USH2A: variants seen among roughly 807,000 people sequenced by gnomAD.
USH2A encodes the protein Usher syndrome 2A (autosomal recessive, mild).
USH2A carries 443 observed loss-of-function variants against 538.9 expected under a neutral mutation model. The ratio of observed to expected loss-of-function variants is 0.82; its 90% CI spans 0.76 to 0.89. USH2A has a LOEUF of 0.89. USH2A is among the 40% of genes least tolerant of loss of function. The probability of loss-of-function intolerance (pLI) is 0.00; values close to 1 mark genes in which losing one functional copy is unlikely to be tolerated. For missense variants in USH2A, 6,633 were observed against 6,324.8 expected (o/e 1.05, Z -1.65); for synonymous variants, 2,413 against 2,273.5 (o/e 1.06, Z -1.75).
chr1:216,394,761 C>G (rs1198584075), intron 3 of USH2A, among the ~76,000 whole-genome samples: 1 of 141,476 alleles, frequency 7.1e-6, no homozygotes, highest in Non-Finnish European at 1.5e-5. Context: ...CTCTGTCGCC[C>G]AGGCTGGAGT....
chr1:216,069,994 T>C, intron 30 of USH2A, 107 bp downstream of exon 30: 2 of 1,307,118 alleles, frequency 1.5e-6, no homozygotes, highest in African/African-American at 1.5e-5. Context: ...GTAAAATACA[T>C]GTATATTTAA....
chr1:216,083,219 A>G (rs759606145), intron 26 of USH2A, among the ~76,000 whole-genome samples: 4 of 152,058 alleles, frequency 2.6e-5, no homozygotes, highest in Admixed American at 1.3e-4. Context: ...AATTCCTTAT[A>G]TCTAGTCTGT....
At chr1:215,689,507 C>T (rs1210295119) in intron 61 of USH2A, among the ~76,000 whole-genome samples, 2 of 152,244 alleles carry the variant, frequency 1.3e-5, no homozygotes, top group East Asian at 3.8e-4. Flanking sequence ...CCCCTGAGTG[C>T]AGTCAGGGCC....
intron 61 of USH2A, among the ~76,000 whole-genome samples, chr1:215,711,736 G>A (rs948052609): frequency 2.0e-5 from 3 of 151,662 alleles, no homozygotes; most frequent in African/African-American, 7.3e-5. Flanking sequence ...GCCACCTGAG[G>A]TTCAAAGAGG....
chr1:215,687,605 A>T (rs533126541), intron 61 of USH2A, among the ~76,000 whole-genome samples: 26 of 152,132 alleles, frequency 1.7e-4, no homozygotes, highest in Non-Finnish European at 2.9e-4. Flanking sequence ...AGAGGAAAAA[A>T]ATTAAATTTG....
intron 61 of USH2A, 80 bp downstream of exon 61, chr1:215,727,949 AT>A: frequency 6.7e-7 from 1 of 1,502,012 alleles, no homozygotes; most frequent in Non-Finnish European, 9.2e-7. Flanking sequence ...GTGAAGAAAA[AT>A]GAGAAGTTGG....
chr1:215,839,676 T>C (rs978129671), intron 46 of USH2A, among the ~76,000 whole-genome samples: 1 of 152,194 alleles, frequency 6.6e-6, no homozygotes, highest in African/African-American at 2.4e-5. Flanking sequence ...TATGTTTTTA[T>C]TCTTACTAAT....
At position 215,796,395 on chromosome 1, in the gene USH2A, T is replaced by C. The variant is rs144263837; in HGVS notation, c.9958+2512A>G. Among the ~76,000 whole-genome samples, 894 of 151,952 alleles carry C rather than the reference T, an allele frequency of 5.9e-3. 6 individuals carry two copies. Among genetic ancestry groups the C allele is most frequent in the African/African-American group, 0.02 (839 of 41,532 alleles). The stretch of plus-strand genomic sequence containing the variant: ...GATTCTCACAATATTTTAAACTTTT[T>C]CATTATTATTATATTTGTTATATTT... On this transcript the variant is annotated intron_variant, in intron 50 of 71. Coordinates refer to ENST00000307340, the MANE Select transcript of USH2A (RefSeq NM_206933.4).
intron 44 of USH2A, among the ~76,000 whole-genome samples, chr1:215,852,840 G>A (rs1317630181): frequency 6.6e-6 from 1 of 152,194 alleles, no homozygotes; most frequent in African/African-American, 2.4e-5. Flanking sequence ...TGCAAGAGGT[G>A]GGTTCCCATG....
intron 4 of USH2A, among the ~76,000 whole-genome samples, chr1:216,338,176 G>A (rs1320706286): frequency 1.3e-5 from 2 of 151,376 alleles, no homozygotes; most frequent in Non-Finnish European, 3.0e-5. Flanking sequence ...ATTTGGAGGA[G>A]TAAGACCTAA....
At chr1:216,274,981 T>A (rs928925412) in intron 11 of USH2A, among the ~76,000 whole-genome samples, 1 of 152,128 alleles carries the variant, frequency 6.6e-6, no homozygotes, top group African/African-American at 2.4e-5. Flanking sequence ...TTTTTCTCAA[T>A]CTTTTGAGTG....
chr1:216,422,092 C>A lies in USH2A; in HGVS notation c.245G>T (p.Arg82Leu). ...GTATGGGCAATCCTGAATACAAAAC[C>A]GCTGGGTACAGAACTGAATACTTTC... ...AAESIQFCTQ[R>L]FCIQDCPYRS... The change falls in exon 2 of 72, where the codon CGG becomes CTG. Residue 82 changes from arginine to leucine, a missense_variant. Transcript: ENST00000307340. 1 of 1,613,746 alleles carries A rather than the reference C, an allele frequency of 6.2e-7. No homozygotes were observed. Among genetic ancestry groups the A allele is most frequent in the Non-Finnish European group, 8.5e-7 (1 of 1,179,870 alleles).
intron 15 of USH2A, among the ~76,000 whole-genome samples, chr1:216,208,841 A>T (rs2035176381): frequency 6.6e-6 from 1 of 152,200 alleles, no homozygotes; most frequent in African/African-American, 2.4e-5. Flanking sequence ...TAATTCCCCC[A>T]GCAATGCATT....
At chr1:216,251,655 T>C (rs2036165932) in intron 11 of USH2A, among the ~76,000 whole-genome samples, 1 of 151,980 alleles carries the variant, frequency 6.6e-6, no homozygotes, top group African/African-American at 2.4e-5. Flanking sequence ...TTCACCATAT[T>C]GGTCTTGATC....
chr1:216,138,633 C>T lies in USH2A; in HGVS notation c.4627+36619G>A, dbSNP rs537555373. Among the ~76,000 whole-genome samples, 6 of 152,224 alleles carry T rather than the reference C, an allele frequency of 3.9e-5. No homozygotes were observed. In the East Asian group the frequency reaches 1.2e-3, roughly 29 times the overall value. ...CTTTTTATTGACTTCAACCTGATCACTTGATGGACTTTTAATTTTTATTTG... is the reference window on the plus strand; with the variant it reads ...CTTTTTATTGACTTCAACCTGATCATTTGATGGACTTTTAATTTTTATTTG... On this transcript the variant is annotated intron_variant, in intron 21 of 71. Coordinates refer to ENST00000307340, the MANE Select transcript of USH2A (RefSeq NM_206933.4).
At chr1:215,672,751 A>G (rs1657865923) in intron 63 of USH2A, among the ~76,000 whole-genome samples, 1 of 152,118 alleles carries the variant, frequency 6.6e-6, no homozygotes, top group Non-Finnish European at 1.5e-5. Context: ...CCACGCATGA[A>G]CTCCAACTTC....
intron 21 of USH2A, among the ~76,000 whole-genome samples, chr1:216,121,403 GT>G (rs201642469): frequency 1.5e-5 from 2 of 131,150 alleles, no homozygotes; most frequent in Non-Finnish European, 1.7e-5. Context: ...AATTTTGCTG[GT>G]TTTTTTCTTT....
intron 13 of USH2A, among the ~76,000 whole-genome samples, chr1:216,235,113 T>C (rs149022489): frequency 2.3e-3 from 356 of 152,290 alleles, no homozygotes; most frequent in African/African-American, 8.2e-3. Context: ...TGTGCCTAAT[T>C]CTAGACCATT....
rs920900296 is a variant in USH2A at position 216,323,273 on chromosome 1, G to T, written c.1550+201C>A. Reference sequence around the variant, plus strand: ...ATATATATATTTATTTATAAAATACGTTTTATATATATATATATATATATA... The same window carrying T: ...ATATATATATTTATTTATAAAATACTTTTTATATATATATATATATATATA... On this transcript the variant is annotated intron_variant, in intron 8 of 71. Coordinates refer to ENST00000307340, the MANE Select transcript of USH2A (RefSeq NM_206933.4). Among the ~76,000 whole-genome samples, 13 of 102,224 alleles carry T rather than the reference G, an allele frequency of 1.3e-4. No homozygotes were observed. The Admixed American group carries it at 1.5e-3, about 12-fold the overall frequency. The allele number at this position is 102,224 out of a possible 152,430, so 67.1% of individuals were successfully genotyped here. A position where few individuals can be genotyped will look rare whatever the true frequency, so the allele number is the denominator to read the frequency against.
Sources: gnomAD v4.1 joint callset for allele counts (sites outside exome capture counted in the v4.1 genomes callset) on GRCh38, gnomAD v4.1.1 for gene constraint, MANE v1.5 for transcripts, NCBI Gene and HGNC (gene_info 2026-07-23, HGNC 2026-07-21) for gene names.